Variants in TASOR2 observed in about 807,000 individuals in gnomAD.
The protein encoded by TASOR2 is protein TASOR 2.
A neutral mutation model predicts 199.5 loss-of-function variants in TASOR2; 84 were observed. The ratio of observed to expected loss-of-function variants is 0.42; its 90% CI spans 0.35 to 0.50. The LOEUF is 0.50. Ranked by LOEUF, TASOR2 falls within the 20% of genes least tolerant of loss-of-function variation. The pLI is 0.02. For missense variants in TASOR2, 2,796 were observed against 2,835.9 expected (o/e 0.99, Z 0.32); for synonymous variants, 1,103 against 1,046.6 (o/e 1.05, Z -1.04).
intron 1 of TASOR2, chr10:5,709,626 C>G: frequency 4.1e-6 from 5 of 1,231,058 alleles, no homozygotes; most frequent in Non-Finnish European, 5.1e-6. Flanking sequence ...TACATTCTCT[C>G]TTAGAGAAGA....
chr10:5,687,535 G>C lies in TASOR2; in HGVS notation c.-288+2360G>C, dbSNP rs1347691666. ...CTCTACACTTTTTAAGAACCATTGA[G>C]GGGGCCAGGTACGGTGGCCCACGCC... On this transcript the variant is annotated intron_variant, in intron 1 of 20. Coordinates refer to ENST00000328090, the Ensembl canonical transcript of TASOR2. The surrounding 1 kb of genome is among the most constrained non-coding windows in gnomAD (Gnocchi z 4.8). Among the ~76,000 whole-genome samples the C allele has an allele frequency of 2.6e-5, 4 of 152,226 alleles. No homozygotes were observed. The highest frequency in any genetic ancestry group is 9.6e-5 in the African/African-American group (4 of 41,456).
chr10:5,695,439 T>C (rs1564250068), intron 1 of TASOR2, among the ~76,000 whole-genome samples: 1 of 152,186 alleles, frequency 6.6e-6, no homozygotes, highest in African/African-American at 2.4e-5. Context: ...TTATTTAAAT[T>C]AGTATGTATT....
At position 5,762,350 on chromosome 10, in the gene TASOR2, C is replaced by T. The variant is rs537796948; in HGVS notation, c.7175-182C>T. On this transcript the variant is annotated intron_variant, in intron 19 of 20. Transcript: ENST00000328090. The stretch of plus-strand genomic sequence containing the variant: ...TTTTCAGTACTTTAACCACCACCCC[C>T]GATGGAGGCATCTATTTCCAAAGCT... 7.9e-5 allele frequency among the ~76,000 whole-genome samples: 12 copies of T among 151,878 alleles called. No homozygotes were observed. In the South Asian group the frequency reaches 2.3e-3, roughly 29 times the overall value.
chr10:5,750,107 A>G lies in TASOR2; in HGVS notation c.6606+80A>G, dbSNP rs985371757. The G allele has an allele frequency of 7.1e-7, 1 of 1,416,174 alleles. No homozygotes were observed. The highest frequency in any genetic ancestry group is 1.4e-5 in the African/African-American group (1 of 69,310). The allele number at this position is 1,416,174 out of a possible 1,614,324, so 87.7% of individuals were successfully genotyped here. ...AAATAATAAATTTAGCATATTAGCC[A>G]TCAAAAAGAAATCATGGTATGACAT... is the stretch of plus-strand genomic sequence containing the variant. On this transcript the variant is annotated intron_variant, in intron 15 of 20. Transcript: ENST00000328090. The surrounding 1 kb of genome is among the most constrained non-coding windows in gnomAD (Gnocchi z 5.4).
chr10:5,717,345 C>T (rs1249279199), intron 2 of TASOR2, among the ~76,000 whole-genome samples: 1 of 152,078 alleles, frequency 6.6e-6, no homozygotes, highest in Non-Finnish European at 1.5e-5. Context: ...GTCTGTGACC[C>T]AGGCCCACCC....
intron 10 of TASOR2, among the ~76,000 whole-genome samples, 161 bp downstream of exon 11, chr10:5,727,284 G>A (rs1344057946): frequency 6.6e-6 from 1 of 152,024 alleles, no homozygotes; most frequent in Admixed American, 6.6e-5. Context: ...TCCCTTGTAG[G>A]TTTATGCTTC....
rs952950420 is a variant in TASOR2, at chr10:5,720,366, C to A, written c.-99-178C>A. On this transcript the variant is annotated intron_variant, in intron 3 of 20. Coordinates refer to ENST00000328090, the Ensembl canonical transcript of TASOR2. This position sits in a 1 kb window ranked among gnomAD's most constrained non-coding sequence, Gnocchi z 5.3. Reference sequence around the variant, plus strand: ...AATACTAACAAGGTTTCTAACAAGACGAGTCATTTTCGTGCCTTTGAACTG... The same window carrying A: ...AATACTAACAAGGTTTCTAACAAGAAGAGTCATTTTCGTGCCTTTGAACTG... The A allele has an allele frequency of 1.0e-6, 1 of 985,136 alleles. No homozygotes were observed. The highest frequency in any genetic ancestry group is 1.7e-5 in the African/African-American group (1 of 57,164). The allele number at this position is 985,136 out of a possible 1,614,324, so 61.0% of individuals were successfully genotyped here.
In TASOR2 at chr10:5,758,877, T is replaced by C; in HGVS notation, c.6887-10T>C. On this transcript the variant is annotated splice_polypyrimidine_tract_variant and intron_variant, in intron 17 of 20. Transcript: ENST00000328090. ...TGTCATCTTCTTTTGCTACATTTAT[T>C]GTTTTGTAGTTCAACTGAAGGAAAT... The C allele has an allele frequency of 6.3e-7, 1 of 1,582,480 alleles. No individual in the cohort carries two copies. Among genetic ancestry groups the C allele is most frequent in the Non-Finnish European group, 8.7e-7 (1 of 1,151,618 alleles).
rs1837581293 is a variant in TASOR2, at chr10:5,699,840, G to T, written c.-287-12983G>T. 11 of 590,830 alleles carry T rather than the reference G, an allele frequency of 1.9e-5. No homozygotes were observed. Among genetic ancestry groups the T allele is most frequent in the Non-Finnish European group, 2.1e-5 (10 of 469,780 alleles). 36.6% of individuals were successfully genotyped at this position (590,830 alleles called of 1,614,324 possible). A position where few individuals can be genotyped will look rare whatever the true frequency, so the allele number is the denominator to read the frequency against. ...GGTACACATTTATTTTTATTGATGC[G>T]TAATAGATGTACACAGTTTTAGGAT... On this transcript the variant is annotated intron_variant, in intron 1 of 20. Transcript: ENST00000328090. The surrounding 1 kb of genome is among the most constrained non-coding windows in gnomAD (Gnocchi z 4.1).
chr10:5,698,843 A>G lies in TASOR2; in HGVS notation c.-288+13668A>G, dbSNP rs1198722242. On this transcript the variant is annotated intron_variant, in intron 1 of 20. Transcript: ENST00000328090. This position sits in a 1 kb window ranked among gnomAD's most constrained non-coding sequence, Gnocchi z 4.4. Reference sequence around the variant, plus strand: ...AGACAGATAATAACAAGTGTTGGTAATGCTGTGAAAAAATTGGAACCTTCT... The same window carrying G: ...AGACAGATAATAACAAGTGTTGGTAGTGCTGTGAAAAAATTGGAACCTTCT... Among the ~76,000 whole-genome samples the G allele has an allele frequency of 6.6e-6, 1 of 152,220 alleles. No individual in the cohort carries two copies. The highest frequency in any genetic ancestry group is 1.5e-5 in the Non-Finnish European group (1 of 68,024).
chr10:5,742,627 G>T lies in TASOR2; in HGVS notation c.2757+101G>T, dbSNP rs1347543360. 10 of 1,123,848 alleles carry T rather than the reference G, an allele frequency of 8.9e-6. No individual in the cohort carries two copies. The highest frequency in any genetic ancestry group is 1.6e-5 in the African/African-American group (1 of 62,736). The allele number at this position is 1,123,848 out of a possible 1,614,324, so 69.6% of individuals were successfully genotyped here. ...AAAACAAGGCATTTTTAAATTTTAG[G>T]ACAGTGAATTCTCAAGGTATGTAAA... On this transcript the variant is annotated intron_variant, in intron 14 of 20. Coordinates refer to ENST00000328090, the Ensembl canonical transcript of TASOR2. This position sits in a 1 kb window ranked among gnomAD's most constrained non-coding sequence, Gnocchi z 4.2.
intron 1 of TASOR2, among the ~76,000 whole-genome samples, chr10:5,704,623 T>C (rs1395875050): frequency 1.3e-5 from 2 of 152,194 alleles, no homozygotes; most frequent in African/African-American, 4.8e-5. Flanking sequence ...TCTCTTTTTA[T>C]TTCCTCCTCT....
Position 5,746,290 on chromosome 10 carries a change from G to A in TASOR2, c.2869G>A (p.Val957Ile), listed in dbSNP as rs779705187. The change falls in exon 15 of 21, where the codon GTT becomes ATT. Residue 957 changes from valine (V) to isoleucine (I), a missense_variant. By Grantham distance (29) the Val-to-Ile change is conservative. Transcript: ENST00000328090. Reference sequence around the variant, plus strand: ...TTCTGTTCCTAGTGAAGAAGAAATTGTTCAGCCACTGGATAGCACAAGAGT... The same window carrying A: ...TTCTGTTCCTAGTGAAGAAGAAATTATTCAGCCACTGGATAGCACAAGAGT... 5 of 1,614,052 alleles carry A rather than the reference G, an allele frequency of 3.1e-6. No homozygotes were observed. In the Admixed American group the frequency reaches 6.7e-5, roughly 22 times the overall value.
chr10:5,712,241 A>G, intron 1 of TASOR2: 1 of 451,154 alleles, frequency 2.2e-6, no homozygotes, highest in Non-Finnish European at 3.6e-6. Flanking sequence ...TCTTTACATC[A>G]GAGGTCTTTT....
At chr10:5,726,996 T>C in intron 9 of TASOR2, 39 bp downstream of exon 10, 1 of 1,613,236 alleles carries the variant, frequency 6.2e-7, no homozygotes, top group Middle Eastern at 1.7e-4. Flanking sequence ...TTTTTCATTA[T>C]GTTTACTTTT....
chr10:5,688,093 G>T (rs986537907), intron 1 of TASOR2, among the ~76,000 whole-genome samples: 1 of 152,130 alleles, frequency 6.6e-6, no homozygotes, highest in Non-Finnish European at 1.5e-5. Context: ...GTATTATTTT[G>T]GTTGAAGTGC....
chr10:5,708,560 T>TTTTC (rs202195166), intron 1 of TASOR2, among the ~76,000 whole-genome samples: 1 of 150,320 alleles, frequency 6.7e-6, no homozygotes, highest in Non-Finnish European at 1.5e-5. Flanking sequence ...CTTTCTTTCT[T>TTTTC]TTTCTTTCTT....
intron 11 of TASOR2, among the ~76,000 whole-genome samples, chr10:5,732,190 T>C (rs1834913244): frequency 6.6e-6 from 1 of 152,266 alleles, no homozygotes; most frequent in African/African-American, 2.4e-5. Context: ...GCAAATCATA[T>C]GACTTTGGTT....
chr10:5,688,761 C>G (rs558742975), intron 1 of TASOR2, among the ~76,000 whole-genome samples: 2 of 151,736 alleles, frequency 1.3e-5, no homozygotes, highest in African/African-American at 4.8e-5. Flanking sequence ...GATGCTAGCA[C>G]TTTGGGAAGT....
Sources: allele counts gnomAD v4.1 joint callset (sites outside exome capture counted in the v4.1 genomes callset), GRCh38; gene constraint gnomAD v4.1.1; non-coding constraint Gnocchi (gnomAD v3.1); transcripts MANE v1.5; gene names NCBI Gene and HGNC (gene_info 2026-07-23, HGNC 2026-07-21).